Variants in AMBRA1 observed in about 807,000 individuals in gnomAD.
AMBRA1 encodes the protein activating molecule in BECN1-regulated autophagy protein 1.
Under a neutral mutation model 125.4 loss-of-function variants are expected in AMBRA1, and 47 were observed. The observed-to-expected ratio is 0.37, with a 90% confidence interval of 0.30 to 0.48. The LOEUF is 0.48. Among genes scored for constraint, AMBRA1 ranks in the 20% least tolerant of loss-of-function variants. AMBRA1 has a pLI of 0.99. For missense variants in AMBRA1, 1,331 were observed against 1,693.4 expected (o/e 0.79, Z 3.76); for synonymous variants, 626 against 655.5 (o/e 0.95, Z 0.69).
At chr11:46,431,187 C>T (rs1947441022) in intron 14 of AMBRA1, among the ~76,000 whole-genome samples, 1 of 152,204 alleles carries the variant, frequency 6.6e-6, no homozygotes, top group Non-Finnish European at 1.5e-5. Context: ...GATCCTGTCT[C>T]TTGGGTGACA....
chr11:46,593,426 TC>T (rs1204850494), intron 1 of AMBRA1, among the ~76,000 whole-genome samples: 4 of 151,752 alleles, frequency 2.6e-5, no homozygotes, highest in Admixed American at 6.6e-5. Flanking sequence ...TACTCAAAGG[TC>T]CCTTCAAAGG....
At chr11:46,523,500 G>A (rs1367439565) in intron 7 of AMBRA1, among the ~76,000 whole-genome samples, 1 of 152,174 alleles carries the variant, frequency 6.6e-6, no homozygotes, top group Non-Finnish European at 1.5e-5. Context: ...ACCCTGAGGA[G>A]GATTAACTCT....
At position 46,569,429 on chromosome 11, in the gene AMBRA1, A is replaced by T. The variant is rs989110009; in HGVS notation, c.-120-20929T>A. On this transcript the variant is annotated intron_variant, in intron 1 of 17. Transcript: ENST00000683756. ...ATTATCACTATATCACTGAGAGATT[A>T]AAAAAAAAAAAATATATATATATAT... is the stretch of plus-strand genomic sequence containing the variant. Among the ~76,000 whole-genome samples, 48 of 80,376 alleles carry T rather than the reference A, an allele frequency of 6.0e-4. 1 individual carries two copies. The highest frequency in any genetic ancestry group is 2.7e-4 in the Non-Finnish European group (10 of 36,938). The allele number at this position is 80,376 out of a possible 152,430, so 52.7% of individuals were successfully genotyped here. A position where few individuals can be genotyped will look rare whatever the true frequency, so the allele number is the denominator to read the frequency against.
At chr11:46,532,387 G>A (rs1033893303) in intron 7 of AMBRA1, among the ~76,000 whole-genome samples, 7 of 152,284 alleles carry the variant, frequency 4.6e-5, no homozygotes, top group African/African-American at 7.2e-5. Flanking sequence ...CTGAAAACCC[G>A]TAGTAGGAGA....
chr11:46,434,964 C>A lies in AMBRA1; in HGVS notation c.2706G>T (p.Gln902His). ...TGCTGGGGATGAAAGCTGCCAGGAG[C>A]TGGCCATCTGCAGAAATGTCACAGC... is the stretch of plus-strand genomic sequence containing the variant. ...DASCDISADGQLLAAFIPSSQ... is the reference protein window; with the variant it reads ...DASCDISADGHLLAAFIPSSQ... Residue 902 changes from glutamine to histidine, a missense_variant, in exon 13 of 18, where the codon CAG becomes CAT. Physicochemically the swap from Gln to His is conservative, Grantham distance 24 (BLOSUM62 0). This residue lies in a region of AMBRA1 where 354 missense variants were observed against 532.7 expected (regional missense o/e 0.66). Transcript: ENST00000683756. 6.2e-7 allele frequency: 1 copy of A among 1,613,928 alleles called. No individual in the cohort carries two copies. Among genetic ancestry groups the A allele is most frequent in the Non-Finnish European group, 8.5e-7 (1 of 1,179,922 alleles).
At chr11:46,426,271 T>G (rs1031642193) in intron 14 of AMBRA1, among the ~76,000 whole-genome samples, 1 of 152,092 alleles carries the variant, frequency 6.6e-6, no homozygotes, top group Non-Finnish European at 1.5e-5. Flanking sequence ...TAACACACAC[T>G]TAGGAAGCAA....
At chr11:46,559,492 A>G (rs2043261878) in intron 1 of AMBRA1, among the ~76,000 whole-genome samples, 1 of 152,186 alleles carries the variant, frequency 6.6e-6, no homozygotes, top group African/African-American at 2.4e-5. Flanking sequence ...CAAAAATGGC[A>G]GTAAAATTTT....
At chr11:46,552,397 A>G (rs1039134673) in intron 1 of AMBRA1, among the ~76,000 whole-genome samples, 26 of 143,320 alleles carry the variant, frequency 1.8e-4, no homozygotes, top group Non-Finnish European at 3.3e-4. Context: ...AAAAAAAAAA[A>G]AAAAAAAAGG....
At chr11:46,422,343 T>TA (rs1437392710) in intron 14 of AMBRA1, among the ~76,000 whole-genome samples, 8 of 152,062 alleles carry the variant, frequency 5.3e-5, no homozygotes, top group Admixed American at 3.3e-4. Context: ...AGAAATTTCT[T>TA]AGAGTTAGTG....
chr11:46,484,768 C>A (rs1225691666), intron 11 of AMBRA1, among the ~76,000 whole-genome samples: 1 of 151,858 alleles, frequency 6.6e-6, no homozygotes, highest in Non-Finnish European at 1.5e-5. Flanking sequence ...CCTCAGCCTC[C>A]CGAGTAGCTG....
intron 1 of AMBRA1, among the ~76,000 whole-genome samples, chr11:46,551,627 T>C (rs192916106): frequency 1.6e-4 from 25 of 152,272 alleles, no homozygotes; most frequent in Non-Finnish European, 3.5e-4. Flanking sequence ...TCCCAGAACT[T>C]TGGGAGGCCA....
intron 15 of AMBRA1, among the ~76,000 whole-genome samples, chr11:46,416,465 T>C (rs1178395666): frequency 6.6e-6 from 1 of 152,196 alleles, no homozygotes; most frequent in Non-Finnish European, 1.5e-5. Flanking sequence ...AGTCTGTCTT[T>C]GGGAGGAGCT....
At chr11:46,507,673 G>GTAAGAAT in intron 9 of AMBRA1, among the ~76,000 whole-genome samples, 1 of 152,128 alleles carries the variant, frequency 6.6e-6, no homozygotes, top group East Asian at 1.9e-4. Flanking sequence ...GGTAAGAGTA[G>GTAAGAAT]GGAGACCAAA....
chr11:46,516,098 T>C (rs1951468425), intron 7 of AMBRA1, among the ~76,000 whole-genome samples: 2 of 152,248 alleles, frequency 1.3e-5, no homozygotes, highest in Admixed American at 6.5e-5. Flanking sequence ...GAGTCTCTGA[T>C]GAGGTTCTTT....
At chr11:46,491,045 A>G (rs1282833679) in intron 11 of AMBRA1, 1 of 152,228 alleles carries the variant, frequency 6.6e-6, no homozygotes, top group Non-Finnish European at 1.5e-5. Context: ...ATCTGTATCC[A>G]GGAGGGCAAG....
chr11:46,548,284 C>A lies in AMBRA1; in HGVS notation c.97G>T (p.Val33Leu), dbSNP rs1565283271. ...MGAQRLLQEL[V>L]EDKTRWMKWE... ...TTCATCCACCGGGTTTTATCTTCTA[C>A]CAGCTCCTGCAGAAGCCGCTGAGCT... Residue 33 changes from valine to leucine, a missense_variant, in exon 2 of 18, where the codon GTA becomes TTA. Val to Leu is a conservative substitution (Grantham distance 32, BLOSUM62 1). Coordinates refer to ENST00000683756, the MANE Select transcript of AMBRA1 (RefSeq NM_001387011.1). 1 of 1,614,154 alleles carries A rather than the reference C, an allele frequency of 6.2e-7. No individual in the cohort carries two copies. Among genetic ancestry groups the A allele is most frequent in the Admixed American group, 1.7e-5 (1 of 60,024 alleles).
chr11:46,507,586 G>T (rs1056522935), intron 9 of AMBRA1, among the ~76,000 whole-genome samples: 3 of 151,754 alleles, frequency 2.0e-5, no homozygotes, highest in African/African-American at 7.3e-5. Context: ...ACTCAAAAAA[G>T]CCCAAAGAAG....
In AMBRA1 at chr11:46,397,509, C is replaced by A. The variant is rs1279664656; in HGVS notation, c.3838G>T (p.Asp1280Tyr). Residue 1280 changes from aspartate (D) to tyrosine (Y), a missense_variant, in exon 18 of 18, where the codon GAT becomes TAT. Asp to Tyr is a radical substitution (Grantham distance 160). This residue lies in a region of AMBRA1 where 144 missense variants were observed against 133.9 expected (regional missense o/e 1.08). Transcript: ENST00000683756. ...GCGTCCCCCCTGCTGCTGCCACCATCCAGAAGGTGGTTGTTATTGGTCAAC... is the reference window on the plus strand; with the variant it reads ...GCGTCCCCCCTGCTGCTGCCACCATACAGAAGGTGGTTGTTATTGGTCAAC... The part of the protein sequence containing the change: ...CELTNNNHLL[D>Y]GGSSRGDAAG... The A allele has an allele frequency of 6.5e-7, 1 of 1,533,976 alleles. No homozygotes were observed. Among genetic ancestry groups the A allele is most frequent in the African/African-American group, 1.4e-5 (1 of 72,634 alleles).
intron 11 of AMBRA1, among the ~76,000 whole-genome samples, chr11:46,488,460 A>C (rs907620852): frequency 1.3e-5 from 2 of 149,440 alleles, no homozygotes; most frequent in African/African-American, 5.1e-5. Flanking sequence ...ACAAAACAAA[A>C]CAAAAAAAAA....
Sources: gnomAD v4.1 joint callset for allele counts (sites outside exome capture counted in the v4.1 genomes callset) on GRCh38, gnomAD v4.1.1 for gene constraint, gnomAD v4.1.1 regional missense constraint, MANE v1.5 for transcripts, NCBI Gene and HGNC (gene_info 2026-07-23, HGNC 2026-07-21) for gene names.